The following CNTNAP2 variants were observed in gnomAD, a reference collection of about 807,000 sequenced individuals.
CNTNAP2 encodes the protein contactin-associated protein-like 2.
In CNTNAP2, 98 loss-of-function variants were observed where a neutral mutation model predicts 155.2. That is an observed-to-expected ratio of 0.63 (90% CI 0.54 to 0.75). The LOEUF is 0.75. CNTNAP2 is among the 30% of genes least tolerant of loss of function. The pLI, the probability that CNTNAP2 is intolerant of heterozygous loss-of-function variation, is 0.00. For missense variants in CNTNAP2, 1,727 were observed against 1,688.1 expected (o/e 1.02, Z -0.40); for synonymous variants, 651 against 631.2 (o/e 1.03, Z -0.47).
intron 1 of CNTNAP2, among the ~76,000 whole-genome samples, chr7:146,611,479 A>C (rs979201969): frequency 3.3e-5 from 5 of 152,228 alleles, no homozygotes; most frequent in African/African-American, 1.2e-4. Flanking sequence ...GTAGAAGAAA[A>C]AAATACATAA....
intron 15 of CNTNAP2, among the ~76,000 whole-genome samples, chr7:148,033,684 A>G (rs1563174746): frequency 1.3e-5 from 2 of 152,242 alleles, no homozygotes; most frequent in African/African-American, 2.4e-5. Context: ...AGAATTGAGC[A>G]TTAACATGTT....
At chr7:147,444,525 C>CTTT (rs557707358) in intron 10 of CNTNAP2, among the ~76,000 whole-genome samples, 2,138 of 131,830 alleles carry the variant, frequency 0.016, 56 homozygotes, top group African/African-American at 0.046. Flanking sequence ...ATTAAATTTT[C>CTTT]TTTTTTTTTT....
chr7:146,598,487 A>C (rs1228780238), intron 1 of CNTNAP2, among the ~76,000 whole-genome samples: 1 of 152,042 alleles, frequency 6.6e-6, no homozygotes, highest in African/African-American at 2.4e-5. Flanking sequence ...TTTTGTGCTC[A>C]CTACTCTATC....
intron 9 of CNTNAP2, among the ~76,000 whole-genome samples, chr7:147,372,813 T>A (rs56707642): frequency 0.076 from 11,496 of 151,932 alleles, 719 homozygotes; most frequent in African/African-American, 0.17. Context: ...TAGCCAAGAC[T>A]CCACCTACCT....
intron 14 of CNTNAP2, among the ~76,000 whole-genome samples, chr7:147,945,303 G>A (rs1175456856): frequency 6.6e-6 from 1 of 152,060 alleles, no homozygotes; most frequent in African/African-American, 2.4e-5. Flanking sequence ...GGAAATAATA[G>A]AGGAAGATGT....
intron 1 of CNTNAP2, among the ~76,000 whole-genome samples, chr7:146,495,708 T>C (rs1797204915): frequency 6.6e-6 from 1 of 152,170 alleles, no homozygotes; most frequent in Non-Finnish European, 1.5e-5. Flanking sequence ...TTTGTTGTTG[T>C]TGTTATTTCT....
chr7:147,928,014 A>T (rs1585033417), intron 14 of CNTNAP2, among the ~76,000 whole-genome samples: 1 of 152,312 alleles, frequency 6.6e-6, no homozygotes. Context: ...TCATTGAATT[A>T]TGGGGCAGTT....
At chr7:148,060,762 G>T (rs1312956602) in intron 15 of CNTNAP2, among the ~76,000 whole-genome samples, 1 of 152,124 alleles carries the variant, frequency 6.6e-6, no homozygotes, top group East Asian at 1.9e-4. Context: ...ATGCCTTTTT[G>T]TTATAGATCC....
chr7:147,548,086 A>G (rs1584805331), intron 11 of CNTNAP2, among the ~76,000 whole-genome samples: 1 of 152,146 alleles, frequency 6.6e-6, no homozygotes, highest in Non-Finnish European at 1.5e-5. Context: ...GTGTCTTTAT[A>G]ATAGAATGAT....
At chr7:146,873,683 G>A (rs138875413) in intron 3 of CNTNAP2, among the ~76,000 whole-genome samples, 6 of 151,912 alleles carry the variant, frequency 3.9e-5, no homozygotes, top group African/African-American at 7.3e-5. Flanking sequence ...GGCTTGTTTC[G>A]GGGAACTACA....
At chr7:148,124,917 A>G (rs1804682282) in intron 16 of CNTNAP2, among the ~76,000 whole-genome samples, 1 of 152,110 alleles carries the variant, frequency 6.6e-6, no homozygotes, top group Non-Finnish European at 1.5e-5. Context: ...CAAAAAAGTT[A>G]AAGGAATGGG....
chr7:148,399,897 G>A (rs1395975702), intron 22 of CNTNAP2, among the ~76,000 whole-genome samples: 3 of 152,138 alleles, frequency 2.0e-5, no homozygotes, highest in African/African-American at 7.2e-5. Flanking sequence ...ACGAGCAGCT[G>A]AAGACCTGAG....
intron 18 of CNTNAP2, among the ~76,000 whole-genome samples, chr7:148,178,525 C>G (rs1233262132): frequency 1.3e-5 from 2 of 152,122 alleles, no homozygotes; most frequent in Non-Finnish European, 2.9e-5. Context: ...GTGAAGTTAG[C>G]TAATATTTTA....
chr7:147,055,656 A>G (rs1799548230), intron 4 of CNTNAP2, among the ~76,000 whole-genome samples: 2 of 152,198 alleles, frequency 1.3e-5, no homozygotes, highest in African/African-American at 4.8e-5. Context: ...CCTTGGGAAC[A>G]GAGTGAGCAA....
chr7:147,505,057 C>T (rs925917193), intron 11 of CNTNAP2, among the ~76,000 whole-genome samples: 1 of 152,022 alleles, frequency 6.6e-6, no homozygotes. Context: ...GTATGATATA[C>T]ATCCCCACAT....
intron 8 of CNTNAP2, among the ~76,000 whole-genome samples, chr7:147,137,512 G>A (rs17170328): frequency 0.092 from 13,972 of 151,372 alleles, 699 homozygotes; most frequent in Non-Finnish European, 0.11. Flanking sequence ...AAACAATTGA[G>A]GATAAAATGA....
At chr7:146,153,485 G>T (rs919049158) in intron 1 of CNTNAP2, among the ~76,000 whole-genome samples, 1 of 152,102 alleles carries the variant, frequency 6.6e-6, no homozygotes, top group Non-Finnish European at 1.5e-5. Context: ...TCTTTTGCAC[G>T]GCTGTTGAGA....
intron 20 of CNTNAP2, among the ~76,000 whole-genome samples, chr7:148,242,650 G>A (rs1796180607): frequency 6.6e-6 from 1 of 152,206 alleles, no homozygotes; most frequent in South Asian, 2.1e-4. Context: ...GCTTGCCGTT[G>A]CATTCAAAGG....
chr7:146,246,209 G>C (rs1455799905), intron 1 of CNTNAP2, among the ~76,000 whole-genome samples: 3 of 151,274 alleles, frequency 2.0e-5, no homozygotes, highest in Non-Finnish European at 4.4e-5. Context: ...GGAGGGAGTA[G>C]AAGTATCTTA....
Sources: gnomAD v4.1 joint callset for allele counts (sites outside exome capture counted in the v4.1 genomes callset) on GRCh38, gnomAD v4.1.1 for gene constraint, MANE v1.5 for transcripts, NCBI Gene and HGNC (gene_info 2026-07-23, HGNC 2026-07-21) for gene names.